Variants in WDFY3 observed in about 807,000 individuals in gnomAD.
WDFY3 encodes the protein WD repeat and FYVE domain containing 3.
Under a neutral mutation model 409.6 loss-of-function variants are expected in WDFY3, and 66 were observed. The ratio of observed to expected loss-of-function variants is 0.16; its 90% CI spans 0.13 to 0.20. WDFY3 has a LOEUF of 0.20. Ranked by LOEUF, WDFY3 falls within the 10% of genes least tolerant of loss-of-function variation. WDFY3 has a pLI of 1.00. For synonymous variants in WDFY3, 1,521 were observed against 1,537.1 expected, an observed-to-expected ratio of 0.99 and a Z score of 0.25; for missense variants, 3,031 against 4,298.1, an observed-to-expected ratio of 0.71 and a Z score of 8.24.
At chr4:84,674,431 G>A (rs1401631161) in intron 67 of WDFY3, among the ~76,000 whole-genome samples, 1 of 152,066 alleles carries the variant, frequency 6.6e-6, no homozygotes, top group African/African-American at 2.4e-5. Context: ...TTAGCCAGGT[G>A]TGGTGGCTCT....
chr4:84,913,173 TA>T (rs1484793762), intron 2 of WDFY3, among the ~76,000 whole-genome samples: 1 of 152,180 alleles, frequency 6.6e-6, no homozygotes, highest in African/African-American at 2.4e-5. Flanking sequence ...AGCCTCTAAA[TA>T]AGGGCATTAT....
At chr4:84,736,826 A>C (rs1176553033) in intron 41 of WDFY3, among the ~76,000 whole-genome samples, 1 of 152,152 alleles carries the variant, frequency 6.6e-6, no homozygotes, top group Non-Finnish European at 1.5e-5. Flanking sequence ...GTTCTGTTAT[A>C]AAGTCAGTTT....
chr4:84,781,721 A>C (rs1202100258), intron 25 of WDFY3, among the ~76,000 whole-genome samples: 2 of 152,234 alleles, frequency 1.3e-5, no homozygotes, highest in African/African-American at 4.8e-5. Flanking sequence ...CTCTGAACTT[A>C]CTGCTCACTG....
intron 33 of WDFY3, among the ~76,000 whole-genome samples, chr4:84,755,874 T>C (rs1177680025): frequency 6.6e-6 from 1 of 152,228 alleles, no homozygotes; most frequent in Non-Finnish European, 1.5e-5. Flanking sequence ...ATAAACTTTA[T>C]GACTATGGCA....
At chr4:84,939,614 T>A (rs1771863294) in intron 1 of WDFY3, among the ~76,000 whole-genome samples, 1 of 152,198 alleles carries the variant, frequency 6.6e-6, no homozygotes. Flanking sequence ...TATGGATTTA[T>A]TCCTATTTCT....
chr4:84,841,225 T>A lies in WDFY3; in HGVS notation c.343A>T (p.Asn115Tyr), dbSNP rs774856612. Residue 115 changes from asparagine (N) to tyrosine (Y), a missense_variant, in exon 6 of 68, where the codon AAT (asparagine) becomes TAT (tyrosine). This residue lies in a region of WDFY3 where 1,322 missense variants were observed against 1,697.9 expected (regional missense o/e 0.78). Transcript: ENST00000295888. ...SRAIVQFLEI[N>Y]QSEEASRGWM... The stretch of plus-strand genomic sequence containing the variant: ...CCTCTACTGGCTTCTTCACTCTGAT[T>A]AATCTCTAGGAACTGAACTATGGCC... 5.6e-6 allele frequency: 9 copies of A among 1,612,920 alleles called. No homozygotes were observed. The African/African-American group carries it at 1.1e-4, about 19-fold the overall frequency.
In WDFY3 at chr4:84,739,056, G is replaced by A. The variant is rs573194113; in HGVS notation, c.6528C>T (p.Pro2176=). 1.9e-6 allele frequency: 3 copies of A among 1,614,158 alleles called. No homozygotes were observed. Among genetic ancestry groups the A allele is most frequent in the East Asian group, 2.2e-5 (1 of 44,882 alleles). The change falls in exon 40 of 68, where the codon CCC becomes CCT. Residue 2176 remains proline, a synonymous_variant. Transcript: ENST00000295888. Reference sequence around the variant, plus strand: ...AACTACCATCTGGTTCAATGTCCGAGGGGATCATAATGTGCCATGTGGTCA... The same window carrying A: ...AACTACCATCTGGTTCAATGTCCGAAGGGATCATAATGTGCCATGTGGTCA... The part of the protein sequence containing the change: ...ARMTTWHIMI[P]SDIEPDGSYS...
intron 13 of WDFY3, 135 bp from the exon 14 acceptor site, chr4:84,810,479 T>C (rs1752319367): frequency 1.4e-6 from 1 of 722,054 alleles, no homozygotes; most frequent in Non-Finnish European, 2.1e-6. Flanking sequence ...TAAACGGTCC[T>C]ATAAAGCATA....
chr4:84,680,982 T>C (rs1727249280), intron 64 of WDFY3, among the ~76,000 whole-genome samples: 1 of 152,194 alleles, frequency 6.6e-6, no homozygotes, highest in Admixed American at 6.5e-5. Context: ...TGCTTCCTAC[T>C]CAGTAGGGGG....
intron 1 of WDFY3, among the ~76,000 whole-genome samples, chr4:84,938,806 C>T (rs1771752249): frequency 6.6e-6 from 1 of 152,176 alleles, no homozygotes; most frequent in African/African-American, 2.4e-5. Context: ...TTCATACACA[C>T]ACATGCACAC....
At chr4:84,760,221 G>A (rs1400336965) in intron 32 of WDFY3, among the ~76,000 whole-genome samples, 1 of 152,056 alleles carries the variant, frequency 6.6e-6, no homozygotes, top group African/African-American at 2.4e-5. Flanking sequence ...TTTTATTGAG[G>A]ATTTTTGCAT....
chr4:84,873,391 A>C (rs142714933), intron 3 of WDFY3, among the ~76,000 whole-genome samples: 2 of 152,354 alleles, frequency 1.3e-5, no homozygotes, highest in East Asian at 3.9e-4. Context: ...TTCTAAATAA[A>C]CATATGGTCC....
intron 21 of WDFY3, among the ~76,000 whole-genome samples, chr4:84,790,667 G>A (rs1287485604): frequency 6.6e-6 from 1 of 152,028 alleles, no homozygotes; most frequent in Non-Finnish European, 1.5e-5. Context: ...GAGTGAAAAG[G>A]GAATCTATGG....
chr4:84,908,653 T>C (rs1294971674), intron 2 of WDFY3, among the ~76,000 whole-genome samples: 1 of 152,132 alleles, frequency 6.6e-6, no homozygotes, highest in Non-Finnish European at 1.5e-5. Context: ...ATATTTCAAC[T>C]TTTTTTATTG....
intron 2 of WDFY3, among the ~76,000 whole-genome samples, chr4:84,926,347 G>C (rs1051446218): frequency 6.6e-6 from 1 of 151,598 alleles, no homozygotes; most frequent in Non-Finnish European, 1.5e-5. Flanking sequence ...GTGTTTCTAA[G>C]ACTGAAATTT....
In WDFY3 at chr4:84,897,539, T is replaced by C. The variant is rs143995899; in HGVS notation, c.-131-529A>G. On this transcript the variant is annotated intron_variant, in intron 2 of 67. Coordinates refer to ENST00000295888, the MANE Select transcript of WDFY3 (RefSeq NM_014991.6). ...CTGGGATTACAGGTGTACGCCACCA[T>C]GCCTGGCTAATTTTTACATTTAGTA... Among the ~76,000 whole-genome samples, 1,266 of 152,206 alleles carry C rather than the reference T, an allele frequency of 8.3e-3. 22 individuals are homozygous for C. Among genetic ancestry groups the C allele is most frequent in the African/African-American group, 0.029 (1,196 of 41,530 alleles).
At chr4:84,803,184 A>G in intron 16 of WDFY3, 106 bp downstream of exon 16, 1 of 1,229,640 alleles carries the variant, frequency 8.1e-7, no homozygotes, top group Non-Finnish European at 1.1e-6. Flanking sequence ...CTACTTTAGT[A>G]TGTAATATTA....
chr4:84,793,454 T>C (rs1384436923), intron 21 of WDFY3, among the ~76,000 whole-genome samples: 2 of 152,212 alleles, frequency 1.3e-5, no homozygotes, highest in African/African-American at 4.8e-5. Context: ...TCACAGTCCT[T>C]GAGATAAAAA....
intron 3 of WDFY3, among the ~76,000 whole-genome samples, chr4:84,870,514 C>G (rs1321033106): frequency 1.3e-5 from 2 of 152,134 alleles, no homozygotes; most frequent in African/African-American, 4.8e-5. Flanking sequence ...TCCAGGGTTG[C>G]AATCACACTA....
Sources: gnomAD v4.1 joint callset for allele counts (sites outside exome capture counted in the v4.1 genomes callset) on GRCh38, gnomAD v4.1.1 for gene constraint, gnomAD v4.1.1 regional missense constraint, MANE v1.5 for transcripts, NCBI Gene and HGNC (gene_info 2026-07-23, HGNC 2026-07-21) for gene names.